The following TXNL1 variants were observed in gnomAD, a reference collection of about 807,000 sequenced individuals.
The protein encoded by TXNL1 is thioredoxin-like protein 1.
TXNL1 carries 14 observed loss-of-function variants against 35.5 expected under a neutral mutation model. The ratio of observed to expected loss-of-function variants is 0.39; its 90% CI spans 0.26 to 0.62. TXNL1 has a LOEUF of 0.62. TXNL1 is among the 20% of genes least tolerant of loss of function. TXNL1 has a pLI of 0.47. For synonymous variants in TXNL1, 110 were observed against 115.5 expected, an observed-to-expected ratio of 0.95 and a Z score of 0.31; for missense variants, 263 against 349.7, an observed-to-expected ratio of 0.75 and a Z score of 1.98.
rs1467694292 is a variant in TXNL1, at chr18:56,600,104, G to A, written c.*2923C>T. ...AATCAAAGCTTTTAGACATTAAGAG[G>A]AACAAGGGAGGATCTGAACTATTTT... On this transcript the variant is annotated 3_prime_UTR_variant, in exon 8 of 8. Coordinates refer to ENST00000217515, the MANE Select transcript of TXNL1 (RefSeq NM_004786.3). The A allele has an allele frequency of 2.6e-5, 4 of 152,158 alleles. No homozygotes were observed. In the East Asian group the frequency reaches 7.7e-4, roughly 29 times the overall value. The allele number at this position is 152,158 out of a possible 1,614,324, so 9.4% of individuals were successfully genotyped here. A position where few individuals can be genotyped will look rare whatever the true frequency, so the allele number is the denominator to read the frequency against.
intron 3 of TXNL1, among the ~76,000 whole-genome samples, chr18:56,619,170 C>T (rs142674490): frequency 6.8e-6 from 1 of 147,368 alleles, no homozygotes; most frequent in African/African-American, 2.5e-5. Context: ...GCTGAAATTG[C>T]GCCATTGTAC....
intron 4 of TXNL1, 36 bp from the exon 5 acceptor site, chr18:56,616,350 G>A (rs779774041): frequency 2.0e-5 from 32 of 1,567,984 alleles, no homozygotes; most frequent in African/African-American, 6.8e-5. Flanking sequence ...AAGGGCTCTT[G>A]TACACACCTT....
At chr18:56,629,895 G>T (rs550996966) in intron 1 of TXNL1, among the ~76,000 whole-genome samples, 1 of 152,208 alleles carries the variant, frequency 6.6e-6, no homozygotes, top group Non-Finnish European at 1.5e-5. Context: ...AACAAGATCA[G>T]TAAGAAAGAT....
At position 56,638,343 on chromosome 18, in the gene TXNL1, C is replaced by T. The variant is rs1369305547; in HGVS notation, c.98G>A (p.Gly33Glu). ...CCACAGAGCTCGAGCCTGGCCTCAC[C>T]CTCTCATGGTGAACTTGACCACGGC... ...RLAVVKFTMR[G>E]CGPCLRIAPA... Residue 33 changes from glycine to glutamate, a missense_variant and splice_region_variant, in exon 1 of 8, where the codon GGG (glycine) becomes GAG (glutamate). Transcript: ENST00000217515. 2 of 1,611,778 alleles carry T rather than the reference C, an allele frequency of 1.2e-6. No homozygotes were observed. Among genetic ancestry groups the T allele is most frequent in the East Asian group, 2.2e-5 (1 of 44,772 alleles).
At chr18:56,605,909 C>T (rs922936490) in intron 7 of TXNL1, among the ~76,000 whole-genome samples, 8 of 152,170 alleles carry the variant, frequency 5.3e-5, no homozygotes, top group Admixed American at 1.3e-4. Flanking sequence ...ATACTAAAAA[C>T]GGAAATTATC....
intron 4 of TXNL1, among the ~76,000 whole-genome samples, chr18:56,617,426 A>T (rs1189436720): frequency 6.6e-6 from 1 of 152,206 alleles, no homozygotes; most frequent in Non-Finnish European, 1.5e-5. Flanking sequence ...TTTTAGAAAA[A>T]TAACTTCTGT....
intron 1 of TXNL1, among the ~76,000 whole-genome samples, chr18:56,628,329 A>T (rs2024319171): frequency 6.6e-6 from 1 of 152,198 alleles, no homozygotes; most frequent in African/African-American, 2.4e-5. Flanking sequence ...ACACCAACCC[A>T]TCAAAATTCC....
At chr18:56,634,612 T>A (rs550364104) in intron 1 of TXNL1, among the ~76,000 whole-genome samples, 11 of 152,152 alleles carry the variant, frequency 7.2e-5, no homozygotes, top group Admixed American at 2.0e-4. Context: ...GATATCCACA[T>A]GCCAAAAAAT....
intron 1 of TXNL1, among the ~76,000 whole-genome samples, chr18:56,635,972 A>G (rs1337266859): frequency 6.6e-6 from 1 of 152,222 alleles, no homozygotes; most frequent in African/African-American, 2.4e-5. Context: ...TGACAAGAAA[A>G]AAGTGTGTAC....
At chr18:56,610,448 A>G (rs1305102430) in intron 7 of TXNL1, 2 of 152,630 alleles carry the variant, frequency 1.3e-5, no homozygotes, top group Non-Finnish European at 2.9e-5. Context: ...ATATGCACAC[A>G]CATAAAGATA....
intron 7 of TXNL1, among the ~76,000 whole-genome samples, chr18:56,606,674 G>T (rs746375566): frequency 6.6e-6 from 1 of 152,198 alleles, no homozygotes; most frequent in African/African-American, 2.4e-5. Context: ...AGCTGGTAAC[G>T]TCTGAGAATA....
intron 3 of TXNL1, 54 bp from the exon 4 acceptor site, chr18:56,618,180 G>T: frequency 6.5e-7 from 1 of 1,550,286 alleles, no homozygotes; most frequent in South Asian, 1.2e-5. Context: ...GTATAAAAAT[G>T]TTTAAAAAAT....
At chr18:56,610,681 T>C (rs148876143) in intron 7 of TXNL1, 73 of 161,432 alleles carry the variant, frequency 4.5e-4, no homozygotes, top group African/African-American at 1.5e-3. Flanking sequence ...TTCAAATGAT[T>C]TTACTTTCAT....
chr18:56,636,432 G>C (rs2024456121), intron 1 of TXNL1, among the ~76,000 whole-genome samples: 1 of 152,072 alleles, frequency 6.6e-6, no homozygotes. Flanking sequence ...GTTTAGACAG[G>C]ATGTATTAAT....
rs578015318 is a variant in TXNL1, at chr18:56,619,431, G to A, written c.370-1305C>T. On this transcript the variant is annotated intron_variant, in intron 3 of 7. Transcript: ENST00000217515. ...CGGGCACCTATAATCCCAGCTACTC[G>A]GGAAGCTGAGGCAGGAGAACTTCTT... 8.7e-5 allele frequency among the ~76,000 whole-genome samples: 13 copies of A among 150,246 alleles called. No individual in the cohort carries two copies. The East Asian group carries it at 1.4e-3, about 16-fold the overall frequency.
chr18:56,612,314 T>C (rs1010207898), intron 6 of TXNL1, among the ~76,000 whole-genome samples: 2 of 152,060 alleles, frequency 1.3e-5, no homozygotes, highest in African/African-American at 4.8e-5. Context: ...CTGTATCCAT[T>C]CTATTTCCTA....
rs2023798633 is a variant in TXNL1, at chr18:56,600,526, G to C, written c.*2501C>G. 1.3e-5 allele frequency: 2 copies of C among 151,528 alleles called. No homozygotes were observed. Among genetic ancestry groups the C allele is most frequent in the African/African-American group, 4.9e-5 (2 of 41,082 alleles). The allele number at this position is 151,528 out of a possible 1,614,324, so 9.4% of individuals were successfully genotyped here. A position where few individuals can be genotyped will look rare whatever the true frequency, so the allele number is the denominator to read the frequency against. Reference sequence around the variant, plus strand: ...CCTCCAACAGAATATTGAGACTGGGGAACAACGTGGGGCAGGTTTCAACTC... The same window carrying C: ...CCTCCAACAGAATATTGAGACTGGGCAACAACGTGGGGCAGGTTTCAACTC... On this transcript the variant is annotated 3_prime_UTR_variant, in exon 8 of 8. Coordinates refer to ENST00000217515, the MANE Select transcript of TXNL1 (RefSeq NM_004786.3).
intron 3 of TXNL1, among the ~76,000 whole-genome samples, chr18:56,620,468 G>C (rs543195890): frequency 6.3e-4 from 96 of 152,252 alleles, no homozygotes; most frequent in African/African-American, 2.2e-3. Flanking sequence ...TAGATTACCT[G>C]ATCTTTATAC....
intron 1 of TXNL1, among the ~76,000 whole-genome samples, chr18:56,632,570 TTTCA>T (rs1200621554): frequency 6.6e-6 from 1 of 152,224 alleles, no homozygotes; most frequent in Non-Finnish European, 1.5e-5. Flanking sequence ...ACACAGTGCC[TTTCA>T]TTGTTATTTC....
Sources: gnomAD v4.1 joint callset for allele counts (sites outside exome capture counted in the v4.1 genomes callset) on GRCh38, gnomAD v4.1.1 for gene constraint, MANE v1.5 for transcripts, NCBI Gene and HGNC (gene_info 2026-07-23, HGNC 2026-07-21) for gene names.